Variants in DALRD3 observed in about 807,000 individuals in gnomAD.
DALRD3 encodes DALR anticodon binding domain containing 3.
Under a neutral mutation model 56.7 loss-of-function variants are expected in DALRD3, and 47 were observed. That is an observed-to-expected ratio of 0.83 (90% CI 0.66 to 1.06). DALRD3 has a LOEUF of 1.06. DALRD3 is among the 50% of genes least tolerant of loss of function. The probability of loss-of-function intolerance (pLI) is 0.00; values close to 1 mark genes in which losing one functional copy is unlikely to be tolerated. For synonymous variants in DALRD3, 347 were observed against 308.5 expected (o/e 1.12, Z -1.31); for missense variants, 787 against 724.0 (o/e 1.09, Z -1.00).
rs757399378 is a variant in DALRD3 at position 49,017,802 on chromosome 3, C to G, written c.529G>C (p.Val177Leu). Residue 177 changes from valine (V) to leucine (L), a missense_variant, in exon 3 of 12, where the codon GTG (valine) becomes CTG (leucine). By Grantham distance (32) the Val-to-Leu change is conservative. Coordinates refer to ENST00000341949, the MANE Select transcript of DALRD3 (RefSeq NM_001009996.3). ...HMLTFLQQLR[V>L]DWPAASERAS... ...CTCTCCGAGGCAGCGGGCCAGTCCA[C>G]CCGCAGTTGCTGCAGGAAGGTCAGC... The G allele has an allele frequency of 1.9e-6, 3 of 1,612,976 alleles. No individual in the cohort carries two copies. In the African/African-American group the frequency reaches 4.0e-5, roughly 21 times the overall value.
rs1411189577 is a variant in DALRD3 at position 49,018,086 on chromosome 3, C to T, written c.398G>A (p.Arg133His). 23 of 1,488,996 alleles carry T rather than the reference C, an allele frequency of 1.5e-5. No individual in the cohort carries two copies. Among genetic ancestry groups the T allele is most frequent in the Non-Finnish European group, 2.0e-5 (23 of 1,128,580 alleles). The allele number at this position is 1,488,996 out of a possible 1,614,324, so 92.2% of individuals were successfully genotyped here. A position where few individuals can be genotyped will look rare whatever the true frequency, so the allele number is the denominator to read the frequency against. ...PALRSSPCAL[R>H]LSQLRTVLVA... ...GAGCACCGTACGCAGCTGGCTCAAG[C>T]GGAGTGCGCAGGGGGAGCTGCGCAG... The change falls in exon 2 of 12, where the codon CGC becomes CAC. Residue 133 changes from arginine to histidine, a missense_variant. Transcript: ENST00000341949.
chr3:49,016,583 A>G (rs561169716), intron 7 of DALRD3, 29 bp downstream of exon 7: 2 of 1,590,300 alleles, frequency 1.3e-6, no homozygotes, highest in Non-Finnish European at 1.7e-6. Flanking sequence ...CCCCTAACCC[A>G]GAACATAGCC....
At position 49,016,818 on chromosome 3, in the gene DALRD3, T is replaced by G; in HGVS notation, c.957A>C (p.Val319=). 3 of 1,614,220 alleles carry G rather than the reference T, an allele frequency of 1.9e-6. No individual in the cohort carries two copies. The highest frequency in any genetic ancestry group is 2.5e-6 in the Non-Finnish European group (3 of 1,180,034). The change falls in exon 6 of 12, where the codon GTA becomes GTC. Residue 319 remains valine (V), a synonymous_variant. Transcript: ENST00000341949. ...QKHLICGPVK[V]AGAPGTLMTA... ...TCATCAGAGTGCCAGGTGCACCAGC[T>G]ACTTTCACAGGGCCACAGATGAGGT...
At chr3:49,020,394 C>G (rs2093143240), upstream of DALRD3, 2 of 404,466 alleles carry the variant, frequency 4.9e-6, no homozygotes, top group Non-Finnish European at 5.2e-6. Context: ...CTGAGGCAGC[C>G]CTGGGGGAGT....
At chr3:49,019,209 A>C (rs1394512516), upstream of DALRD3, 1 of 196,892 alleles carries the variant, frequency 5.1e-6, no homozygotes, top group Non-Finnish European at 9.2e-6. Context: ...AGTAGCTGGG[A>C]TTACGGGCGC....
In DALRD3 at chr3:49,018,497, C is replaced by T. The variant is rs757615757; in HGVS notation, c.68G>A (p.Gly23Asp). 15 of 1,585,880 alleles carry T rather than the reference C, an allele frequency of 9.5e-6. No individual in the cohort carries two copies. The Middle Eastern group carries it at 6.6e-4, about 70-fold the overall frequency. Residue 23 changes from glycine to aspartate, a missense_variant, in exon 1 of 12, where the codon GGT becomes GAT. Gly to Asp is a moderately conservative substitution (Grantham distance 94, BLOSUM62 -1). Coordinates refer to ENST00000341949, the MANE Select transcript of DALRD3 (RefSeq NM_001009996.3). ...GALNAALGPG[G>D]PVWIKETRTR... The stretch of plus-strand genomic sequence containing the variant: ...GCGCGTCTCCTTGATCCACACCGGA[C>T]CGCCTGGCCCCAGGGCCGCGTTGAG...
In DALRD3 at chr3:49,018,077, T is replaced by C; in HGVS notation, c.407A>G (p.Gln136Arg). ...RSSPCALRLS[Q>R]LRTVLVADHL... The stretch of plus-strand genomic sequence containing the variant: ...ATCGGCCACGAGCACCGTACGCAGC[T>C]GGCTCAAGCGGAGTGCGCAGGGGGA... Residue 136 changes from glutamine to arginine, a missense_variant, in exon 2 of 12, where the codon CAG (glutamine) becomes CGG (arginine). Transcript: ENST00000341949. 1 of 1,491,348 alleles carries C rather than the reference T, an allele frequency of 6.7e-7. No individual in the cohort carries two copies. Among genetic ancestry groups the C allele is most frequent in the Non-Finnish European group, 8.8e-7 (1 of 1,130,102 alleles). 92.4% of individuals were successfully genotyped at this position (1,491,348 alleles called of 1,614,324 possible). A position where few individuals can be genotyped will look rare whatever the true frequency, so the allele number is the denominator to read the frequency against.
chr3:49,015,820 C>T lies in DALRD3; in HGVS notation c.1496G>A (p.Arg499Gln), dbSNP rs776310312. The T allele has an allele frequency of 1.3e-5, 21 of 1,614,052 alleles. No individual in the cohort carries two copies. Among genetic ancestry groups the T allele is most frequent in the African/African-American group, 5.3e-5 (4 of 74,912 alleles). ...LSMDFSSYYN[R>Q]VHILGEPRPH... ...TGTGCTCACCCCCAGGATGTGTACC[C>T]GGTTGTAGTAGGAGCTGAAATCCAT... The change falls in exon 11 of 12, where the codon CGG becomes CAG. Residue 499 changes from arginine (R) to glutamine (Q), a missense_variant. Coordinates refer to ENST00000341949, the MANE Select transcript of DALRD3 (RefSeq NM_001009996.3).
Position 49,017,631 on chromosome 3 carries a change from T to TGG in DALRD3, c.698_699dup (p.Asn234ProfsTer8). On this transcript the variant is annotated frameshift_variant, in exon 3 of 12. Transcript: ENST00000341949. LOFTEE classifies it high-confidence loss of function. ...GTCCTACCCAGACAGTTGTCCAGGT[T>TGG]GGGGTCATAGCCAGCTGTGCGGCCC... 1.9e-6 allele frequency: 3 copies of TGG among 1,614,186 alleles called. No individual in the cohort carries two copies. The highest frequency in any genetic ancestry group is 2.5e-6 in the Non-Finnish European group (3 of 1,180,018).
In DALRD3 at chr3:49,017,373, A is replaced by G. The variant is rs1394857321; in HGVS notation, c.799-17T>C. The G allele has an allele frequency of 9.9e-6, 16 of 1,614,114 alleles. No homozygotes were observed. The highest frequency in any genetic ancestry group is 1.3e-5 in the Non-Finnish European group (15 of 1,180,048). ...GGCCCCAGCCTAAGGGAGGACAATC[A>G]TAACTGTGGAAGTACAGTATACTTG... On this transcript the variant is annotated splice_polypyrimidine_tract_variant and intron_variant, in intron 4 of 11. Transcript: ENST00000341949.
intron 5 of DALRD3, 77 bp downstream of exon 5, chr3:49,017,151 C>A (rs2093093611): frequency 1.3e-6 from 2 of 1,594,204 alleles, no homozygotes; most frequent in African/African-American, 1.3e-5. Context: ...AGCTAACAAG[C>A]CCCTCGGTGG....
upstream of DALRD3, chr3:49,021,039 A>C: frequency 1.3e-5 from 2 of 158,124 alleles, no homozygotes; most frequent in Non-Finnish European, 2.8e-5. This position sits in a 1 kb window ranked among gnomAD's most constrained non-coding sequence, Gnocchi z 4.1. Context: ...GAGGAAGTAA[A>C]CCCGCGCGTC....
In DALRD3 at chr3:49,016,530, G is replaced by T; in HGVS notation, c.1064-19C>A. On this transcript the variant is annotated intron_variant, in intron 7 of 11. Coordinates refer to ENST00000341949, the MANE Select transcript of DALRD3 (RefSeq NM_001009996.3). The stretch of plus-strand genomic sequence containing the variant: ...GCTGGGTCTGAGGGAGTATAGGGTT[G>T]GTCAGTCAGTCTGCAGGCAAGGGCA... 1 of 1,610,882 alleles carries T rather than the reference G, an allele frequency of 6.2e-7. No homozygotes were observed. Among genetic ancestry groups the T allele is most frequent in the Non-Finnish European group, 8.5e-7 (1 of 1,178,644 alleles).
chr3:49,016,293 C>T lies in DALRD3; in HGVS notation c.1194G>A (p.Lys398=). Residue 398 remains lysine (K), a synonymous_variant, in exon 9 of 12, where the codon AAG becomes AAA. Transcript: ENST00000341949. ...AATTATACATGACAAAGGTGCCACTCTTTGTGCCCTTCGTGGAGATACTGC... is the reference window on the plus strand; with the variant it reads ...AATTATACATGACAAAGGTGCCACTTTTTGTGCCCTTCGTGGAGATACTGC... The part of the protein sequence containing the change: ...ADSSISTKGT[K]SGTFVMYNCA... The T allele has an allele frequency of 6.2e-7, 1 of 1,612,636 alleles. No individual in the cohort carries two copies. Among genetic ancestry groups the T allele is most frequent in the Non-Finnish European group, 8.5e-7 (1 of 1,178,852 alleles).
At position 49,017,052 on chromosome 3, in the gene DALRD3, C is replaced by T. The variant is rs116387040; in HGVS notation, c.927+176G>A. On this transcript the variant is annotated intron_variant, in intron 5 of 11. Coordinates refer to ENST00000341949, the MANE Select transcript of DALRD3 (RefSeq NM_001009996.3). ...CTTCAGTGTTCTTGGGATGTGTCTA[C>T]AGACCCCCCTTCCCCAGAGCCTCTG... 2.1e-4 allele frequency: 211 copies of T among 987,428 alleles called. 1 individual carries two copies. The African/African-American group carries it at 2.7e-3, about 13-fold the overall frequency. 61.2% of individuals were successfully genotyped at this position (987,428 alleles called of 1,614,324 possible). A position where few individuals can be genotyped will look rare whatever the true frequency, so the allele number is the denominator to read the frequency against.
chr3:49,019,033 T>C (rs1444277537), upstream of DALRD3: 1 of 985,100 alleles, frequency 1.0e-6, no homozygotes, highest in Non-Finnish European at 1.2e-6. Flanking sequence ...TGTTCCGCGG[T>C]TTCAGGTTAT....
chr3:49,019,567 C>A (rs1398297364), upstream of DALRD3, among the ~76,000 whole-genome samples: 2 of 151,708 alleles, frequency 1.3e-5, no homozygotes, highest in African/African-American at 4.8e-5. Flanking sequence ...GCAACCTCCC[C>A]CTCCCGGGTT....
upstream of DALRD3, chr3:49,018,585 G>T: frequency 6.5e-7 from 1 of 1,530,144 alleles, no homozygotes; most frequent in Non-Finnish European, 8.8e-7. Context: ...AGGAGTAAGC[G>T]GAACCGGAAA....
At chr3:49,020,497 T>C, upstream of DALRD3, 1 of 386,234 alleles carries the variant, frequency 2.6e-6, no homozygotes. Flanking sequence ...GCCTCGGCTC[T>C]CCCACGTCTA....
Sources: allele counts gnomAD v4.1 joint callset (sites outside exome capture counted in the v4.1 genomes callset), GRCh38; gene constraint gnomAD v4.1.1; non-coding constraint Gnocchi (gnomAD v3.1); transcripts MANE v1.5; gene names NCBI Gene and HGNC (gene_info 2026-07-23, HGNC 2026-07-21).